The following TMEM132C variants were observed in gnomAD, a reference collection of about 807,000 sequenced individuals.
TMEM132C encodes transmembrane protein 132C.
A neutral mutation model predicts 61.4 loss-of-function variants in TMEM132C; 29 were observed. The observed-to-expected ratio is 0.47, with a 90% CI of 0.35 to 0.64. The LOEUF is 0.64. Among genes scored for constraint, TMEM132C ranks in the 30% least tolerant of loss-of-function variants. The probability of loss-of-function intolerance (pLI) is 0.00; values close to 1 mark genes in which losing one functional copy is unlikely to be tolerated. For synonymous variants in TMEM132C, 656 were observed against 633.1 expected, an observed-to-expected ratio of 1.04 and a Z score of -0.54; for missense variants, 1,408 against 1,476.9, an observed-to-expected ratio of 0.95 and a Z score of 0.76.
intron 4 of TMEM132C, among the ~76,000 whole-genome samples, chr12:128,650,662 C>A (rs191354442): frequency 6.6e-6 from 1 of 152,034 alleles, no homozygotes; most frequent in East Asian, 1.9e-4. Flanking sequence ...CTAGGGGTTA[C>A]AGGCTGCAGT....
chr12:128,539,312 T>G (rs779292691), intron 2 of TMEM132C, among the ~76,000 whole-genome samples: 6 of 152,302 alleles, frequency 3.9e-5, no homozygotes, highest in African/African-American at 7.2e-5. Context: ...AAGGAGTAAA[T>G]GACCTTAGCA....
intron 1 of TMEM132C, chr12:128,400,248 T>C (rs1875105763): frequency 1.3e-5 from 2 of 152,274 alleles, no homozygotes; most frequent in African/African-American, 4.8e-5. Flanking sequence ...GCACAGCCCC[T>C]TCCCTCACTG....
Position 128,558,442 on chromosome 12 carries a change from G to A in TMEM132C, c.1121+14339G>A, listed in dbSNP as rs149209971. 4.4e-3 allele frequency among the ~76,000 whole-genome samples: 676 copies of A among 152,306 alleles called. 6 individuals are homozygous for A. Among genetic ancestry groups the A allele is most frequent in the African/African-American group, 0.015 (628 of 41,564 alleles). On this transcript the variant is annotated intron_variant, in intron 3 of 8. Transcript: ENST00000435159. Reference sequence around the variant, plus strand: ...TATAAATGGCAGTTCCCCTGCACATGCTGTCTTACCTGCCACCATGTAAGA... The same window carrying A: ...TATAAATGGCAGTTCCCCTGCACATACTGTCTTACCTGCCACCATGTAAGA...
intron 1 of TMEM132C, among the ~76,000 whole-genome samples, chr12:128,395,182 A>C (rs1160279795): frequency 6.6e-6 from 1 of 150,390 alleles, no homozygotes; most frequent in Non-Finnish European, 1.5e-5. Context: ...CAGAATACTA[A>C]ATCATATTTA....
intron 3 of TMEM132C, among the ~76,000 whole-genome samples, chr12:128,604,885 AGAT>A (rs748725148): frequency 2.6e-5 from 4 of 151,380 alleles, no homozygotes; most frequent in Non-Finnish European, 4.4e-5. Context: ...GATGGATGAT[AGAT>A]GATGGATGGA....
chr12:128,318,436 A>G (rs2135932531), intron 1 of TMEM132C, among the ~76,000 whole-genome samples: 1 of 152,132 alleles, frequency 6.6e-6, no homozygotes, highest in South Asian at 2.1e-4. Context: ...AGAAACACAC[A>G]CTCCCCTAGA....
intron 1 of TMEM132C, among the ~76,000 whole-genome samples, chr12:128,350,027 C>T (rs778472272): frequency 3.3e-5 from 5 of 152,080 alleles, no homozygotes; most frequent in African/African-American, 9.7e-5. Flanking sequence ...CTAAAATAGC[C>T]GCCTGTGAGT....
At chr12:128,651,703 A>AG (rs1954272002) in intron 4 of TMEM132C, among the ~76,000 whole-genome samples, 1 of 152,168 alleles carries the variant, frequency 6.6e-6, no homozygotes, top group African/African-American at 2.4e-5. Flanking sequence ...AGACCATAGC[A>AG]GGGAATGGGA....
intron 2 of TMEM132C, among the ~76,000 whole-genome samples, chr12:128,416,945 T>G (rs1868801235): frequency 1.3e-5 from 2 of 152,228 alleles, no homozygotes. Flanking sequence ...ATTTGCATTG[T>G]GAACCTTGGT....
intron 4 of TMEM132C, among the ~76,000 whole-genome samples, chr12:128,619,407 A>G (rs1425816617): frequency 6.6e-6 from 1 of 152,226 alleles, no homozygotes; most frequent in East Asian, 1.9e-4. Flanking sequence ...AGTAAATGCA[A>G]TGGGAAAAGC....
intron 5 of TMEM132C, among the ~76,000 whole-genome samples, chr12:128,682,178 G>A (rs1457905006): frequency 6.6e-6 from 1 of 152,094 alleles, no homozygotes; most frequent in Admixed American, 6.5e-5. Context: ...GGCTGGAGGC[G>A]GAGCTTCAGC....
intron 2 of TMEM132C, among the ~76,000 whole-genome samples, chr12:128,524,580 A>G (rs2136130267): frequency 6.6e-6 from 1 of 152,252 alleles, no homozygotes; most frequent in South Asian, 2.1e-4. Flanking sequence ...ACAGGAAGCT[A>G]CAAACAGTAA....
intron 2 of TMEM132C, among the ~76,000 whole-genome samples, chr12:128,529,550 A>C (rs1484766564): frequency 6.6e-6 from 1 of 152,196 alleles, no homozygotes; most frequent in East Asian, 1.9e-4. Flanking sequence ...TTGAGAGGCC[A>C]AGGCGGGTGG....
At chr12:128,651,333 G>A (rs999404729) in intron 4 of TMEM132C, among the ~76,000 whole-genome samples, 6 of 152,204 alleles carry the variant, frequency 3.9e-5, no homozygotes, top group African/African-American at 1.4e-4. Context: ...CTCCAAGGCT[G>A]GCTCTTCAGA....
chr12:128,619,470 C>T (rs1373916563), intron 4 of TMEM132C, among the ~76,000 whole-genome samples: 1 of 152,232 alleles, frequency 6.6e-6, no homozygotes, highest in Non-Finnish European at 1.5e-5. Context: ...GCGGAAGCCA[C>T]CTGAATCTCA....
chr12:128,443,097 G>GAT (rs1869853686), intron 2 of TMEM132C, among the ~76,000 whole-genome samples: 2 of 151,734 alleles, frequency 1.3e-5, no homozygotes, highest in Non-Finnish European at 2.9e-5. Context: ...TAAAAAAATG[G>GAT]ATATATATTG....
At chr12:128,589,080 C>T (rs1427722321) in intron 3 of TMEM132C, among the ~76,000 whole-genome samples, 4 of 152,132 alleles carry the variant, frequency 2.6e-5, no homozygotes, top group African/African-American at 7.2e-5. Flanking sequence ...GCCCAGATTG[C>T]AGGGTGTGTC....
intron 2 of TMEM132C, among the ~76,000 whole-genome samples, chr12:128,440,551 C>T (rs1869748097): frequency 1.3e-5 from 2 of 152,224 alleles, no homozygotes; most frequent in South Asian, 4.1e-4. Context: ...CTCTGCTGCC[C>T]TCCAAAATCA....
chr12:128,451,370 G>T (rs1168409893), intron 2 of TMEM132C, among the ~76,000 whole-genome samples: 1 of 152,168 alleles, frequency 6.6e-6, no homozygotes, highest in Non-Finnish European at 1.5e-5. Context: ...ATGTGCCTTT[G>T]ATTTTTCCCA....
Sources: gnomAD v4.1 joint callset for allele counts (sites outside exome capture counted in the v4.1 genomes callset) on GRCh38, gnomAD v4.1.1 for gene constraint, MANE v1.5 for transcripts, NCBI Gene and HGNC (gene_info 2026-07-23, HGNC 2026-07-21) for gene names.